The following DNAAF11 variants were observed in gnomAD, a reference collection of about 807,000 sequenced individuals.
DNAAF11 encodes the protein leucine rich repeat containing 6.
DNAAF11 carries 45 observed loss-of-function variants against 60.8 expected under a neutral mutation model. That is an observed-to-expected ratio of 0.74 (90% CI 0.58 to 0.95). The LOEUF (loss-of-function observed/expected upper bound fraction) is 0.95. Among genes scored for constraint, DNAAF11 ranks in the 40% least tolerant of loss-of-function variants. DNAAF11 has a pLI of 0.00. For synonymous variants in DNAAF11, 191 were observed against 183.5 expected, an observed-to-expected ratio of 1.04 and a Z score of -0.33; for missense variants, 546 against 546.2, an observed-to-expected ratio of 1.00 and a Z score of 0.00.
At chr8:132,613,896 A>G (rs1286231867) in intron 8 of DNAAF11, among the ~76,000 whole-genome samples, 1 of 152,266 alleles carries the variant, frequency 6.6e-6, no homozygotes, top group East Asian at 1.9e-4. Context: ...GGCATTTATT[A>G]TAATTCATGC....
At chr8:132,604,393 T>C (rs1406198391) in intron 10 of DNAAF11, among the ~76,000 whole-genome samples, 1 of 152,166 alleles carries the variant, frequency 6.6e-6, no homozygotes, top group Non-Finnish European at 1.5e-5. Flanking sequence ...AAGCAAGATA[T>C]TCACCACTGA....
In DNAAF11 at chr8:132,654,745, C is replaced by T. The variant is rs187406600; in HGVS notation, c.256+2085G>A. On this transcript the variant is annotated intron_variant, in intron 3 of 11. Transcript: ENST00000620350. ...ACTTTGAGATGAATTAAAACAAAAG[C>T]ACAACATATCAAAACTTAGATGCAA... Among the ~76,000 whole-genome samples, 4 of 148,162 alleles carry T rather than the reference C, an allele frequency of 2.7e-5. No homozygotes were observed. In the East Asian group the frequency reaches 8.0e-4, roughly 30 times the overall value.
intron 7 of DNAAF11, among the ~76,000 whole-genome samples, chr8:132,619,848 G>T (rs1051609395): frequency 1.3e-5 from 2 of 152,212 alleles, no homozygotes; most frequent in African/African-American, 2.4e-5. Flanking sequence ...AGAGGGGATG[G>T]AGTCAGGGTG....
intron 3 of DNAAF11, among the ~76,000 whole-genome samples, chr8:132,640,457 A>G (rs1480353706): frequency 6.6e-6 from 1 of 152,088 alleles, no homozygotes; most frequent in Non-Finnish European, 1.5e-5. Flanking sequence ...TACATTCAAC[A>G]TGTTCAAAAT....
chr8:132,663,674 G>A (rs1316683595), intron 1 of DNAAF11, among the ~76,000 whole-genome samples: 1 of 152,162 alleles, frequency 6.6e-6, no homozygotes, highest in Non-Finnish European at 1.5e-5. Context: ...CATGGGGCCA[G>A]GAGGACGTGC....
chr8:132,643,710 A>G (rs1383792861), intron 3 of DNAAF11: 2 of 456,142 alleles, frequency 4.4e-6, no homozygotes, highest in African/African-American at 4.0e-5. Flanking sequence ...ATCAAGAAAC[A>G]GCAGATAAGC....
At chr8:132,671,885 T>C (rs1234818739) in intron 1 of DNAAF11, among the ~76,000 whole-genome samples, 1 of 150,594 alleles carries the variant, frequency 6.6e-6, no homozygotes, top group Non-Finnish European at 1.5e-5. Context: ...AAATGAATGA[T>C]GGAATAGCAT....
chr8:132,693,255 C>A, the DNAAF11 span, among the ~76,000 whole-genome samples: 1 of 152,268 alleles, frequency 6.6e-6, no homozygotes, highest in Non-Finnish European at 1.5e-5. Flanking sequence ...CACACAGGAA[C>A]AAAAGACAAC....
At chr8:132,678,905 T>A (rs1825826276), upstream of DNAAF11, among the ~76,000 whole-genome samples, 2 of 152,150 alleles carry the variant, frequency 1.3e-5, no homozygotes, top group Admixed American at 1.3e-4. Flanking sequence ...AAATTTTATA[T>A]CTGTGGGACT....
intron 1 of DNAAF11, among the ~76,000 whole-genome samples, chr8:132,672,938 TA>T: frequency 6.6e-6 from 1 of 152,270 alleles, no homozygotes; most frequent in African/African-American, 2.4e-5. Context: ...ACGGTCTCTC[TA>T]AAACCTGTAC....
At chr8:132,669,795 G>A (rs1824998078) in intron 1 of DNAAF11, among the ~76,000 whole-genome samples, 1 of 152,008 alleles carries the variant, frequency 6.6e-6, no homozygotes, top group Non-Finnish European at 1.5e-5. Flanking sequence ...AAATAAAAAG[G>A]AAAATTAGAA....
At position 132,611,342 on chromosome 8, in the gene DNAAF11, G is replaced by A; in HGVS notation, c.996C>T (p.Ile332=). 11 of 1,608,060 alleles carry A rather than the reference G, an allele frequency of 6.8e-6. No individual in the cohort carries two copies. The highest frequency in any genetic ancestry group is 9.4e-6 in the Non-Finnish European group (11 of 1,175,062). Residue 332 remains isoleucine, a synonymous_variant, in exon 9 of 12, where the codon ATC becomes ATT. Coordinates refer to ENST00000620350, the MANE Select transcript of DNAAF11 (RefSeq NM_012472.6). ...CGTAAGTTGGTTGCACATCAACATC[G>A]ATTAAAGAGGTATCCATATACCTTC... ...AVYRYMDTSL[I]DVDVQPTYVR...
chr8:132,631,558 G>A (rs1820795756), intron 5 of DNAAF11, among the ~76,000 whole-genome samples: 1 of 152,116 alleles, frequency 6.6e-6, no homozygotes, highest in South Asian at 2.1e-4. Flanking sequence ...TATTGTTTAA[G>A]GAGGCATACT....
At chr8:132,602,996 C>A (rs762388394) in intron 10 of DNAAF11, among the ~76,000 whole-genome samples, 1 of 152,022 alleles carries the variant, frequency 6.6e-6, no homozygotes, top group Non-Finnish European at 1.5e-5. Context: ...AGGTTACAAT[C>A]CTTCAGAATC....
chr8:132,626,552 T>C (rs1039892034), intron 5 of DNAAF11, among the ~76,000 whole-genome samples: 1 of 152,188 alleles, frequency 6.6e-6, no homozygotes, highest in Non-Finnish European at 1.5e-5. Flanking sequence ...CCAAAATATA[T>C]TTATTTATTA....
At position 132,571,169 on chromosome 8, in the gene DNAAF11, A is replaced by C. The variant is rs1426893406; in HGVS notation, c.*1137T>G. Among the ~76,000 whole-genome samples, 1 of 152,134 alleles carries C rather than the reference A, an allele frequency of 6.6e-6. No individual in the cohort carries two copies. Among genetic ancestry groups the C allele is most frequent in the Non-Finnish European group, 1.5e-5 (1 of 68,010 alleles). On this transcript the variant is annotated 3_prime_UTR_variant, in exon 12 of 12. Transcript: ENST00000620350. ...AAAGGCCCTGTCTGAAAAAGCACCC[A>C]TCACCCTTGATTCCCTCACTCTGAC...
intron 3 of DNAAF11, among the ~76,000 whole-genome samples, chr8:132,644,131 T>A (rs1457279178): frequency 6.6e-6 from 1 of 151,810 alleles, no homozygotes; most frequent in East Asian, 1.9e-4. Flanking sequence ...GACATAAGAG[T>A]TATACCTTTC....
chr8:132,613,515 C>A (rs1273394397), intron 8 of DNAAF11, among the ~76,000 whole-genome samples: 1 of 152,074 alleles, frequency 6.6e-6, no homozygotes, highest in African/African-American at 2.4e-5. Flanking sequence ...TAGTGGTTGC[C>A]ATGAAGACAG....
chr8:132,675,367 G>T, intron 1 of DNAAF11, 117 bp downstream of exon 1: 1 of 1,206,926 alleles, frequency 8.3e-7, no homozygotes, highest in African/African-American at 1.6e-5. Context: ...GTTAGGGTCC[G>T]CCCAGGCGCG....
Sources: allele counts gnomAD v4.1 joint callset (sites outside exome capture counted in the v4.1 genomes callset), GRCh38; gene constraint gnomAD v4.1.1; transcripts MANE v1.5; gene names NCBI Gene and HGNC (gene_info 2026-07-23, HGNC 2026-07-21).